Variants in CD86 observed in about 807,000 individuals in gnomAD.
CD86 encodes the protein CD86 molecule.
CD86 carries 11 observed loss-of-function variants against 32.1 expected under a neutral mutation model. That is an observed-to-expected ratio of 0.34 (90% CI 0.22 to 0.57). The LOEUF is 0.57. CD86 is among the 20% of genes least tolerant of loss of function. The pLI, the probability that CD86 is intolerant of heterozygous loss-of-function variation, is 0.86. For missense variants in CD86, 359 were observed against 398.4 expected (o/e 0.90, Z 0.84); for synonymous variants, 137 against 135.3 (o/e 1.01, Z -0.09).
chr3:122,074,017 A>C (rs1478854195), intron 1 of CD86, among the ~76,000 whole-genome samples: 2 of 152,172 alleles, frequency 1.3e-5, no homozygotes, highest in African/African-American at 4.8e-5. Flanking sequence ...AAAATGATGG[A>C]AGGGCCTCAA....
intron 1 of CD86, among the ~76,000 whole-genome samples, chr3:122,070,770 T>C (rs1309354899): frequency 2.0e-5 from 3 of 152,116 alleles, no homozygotes; most frequent in Non-Finnish European, 4.4e-5. Flanking sequence ...AAAGGAGACT[T>C]TTTGCAGCAA....
At chr3:122,060,037 C>A (rs1429156053) in intron 1 of CD86, among the ~76,000 whole-genome samples, 6 of 152,110 alleles carry the variant, frequency 3.9e-5, no homozygotes, top group Admixed American at 3.9e-4. Flanking sequence ...GTTTAAGCCA[C>A]CCCAGTTTGT....
chr3:122,114,575 A>G (rs542065379), intron 5 of CD86, among the ~76,000 whole-genome samples: 16 of 152,346 alleles, frequency 1.1e-4, no homozygotes, highest in East Asian at 1.9e-4. Flanking sequence ...ACATTGCAAG[A>G]AAAGAAAACT....
chr3:122,077,946 G>T, intron 1 of CD86: 1 of 985,508 alleles, frequency 1.0e-6, no homozygotes, highest in Non-Finnish European at 1.2e-6. Flanking sequence ...ACTCCTTTTG[G>T]TTTATTCTTA....
chr3:122,083,780 T>G (rs568261601), intron 1 of CD86, among the ~76,000 whole-genome samples: 164 of 152,288 alleles, frequency 1.1e-3, no homozygotes, highest in Admixed American at 2.9e-3. Context: ...AACACCCACA[T>G]GATTATTGAA....
At chr3:122,112,928 T>G (rs2073197404) in intron 5 of CD86, among the ~76,000 whole-genome samples, 1 of 152,240 alleles carries the variant, frequency 6.6e-6, no homozygotes, top group Non-Finnish European at 1.5e-5. Flanking sequence ...TTAGTGGTGA[T>G]TTCTGAGACT....
At chr3:122,057,054 T>C (rs573254569) in intron 1 of CD86, among the ~76,000 whole-genome samples, 20 of 152,252 alleles carry the variant, frequency 1.3e-4, no homozygotes, top group Non-Finnish European at 2.8e-4. Flanking sequence ...GTATCATTTT[T>C]TCTCTATCAA....
chr3:122,117,099 G>A (rs1404897788), intron 5 of CD86, among the ~76,000 whole-genome samples: 1 of 151,914 alleles, frequency 6.6e-6, no homozygotes, highest in African/African-American at 2.4e-5. Context: ...GGAACAGATG[G>A]TTTTCGGTTA....
At chr3:122,099,187 T>C (rs1477702534) in intron 2 of CD86, among the ~76,000 whole-genome samples, 1 of 151,992 alleles carries the variant, frequency 6.6e-6, no homozygotes, top group African/African-American at 2.4e-5. Flanking sequence ...AAATCAGAGA[T>C]TGGGAAAGAA....
chr3:122,082,074 C>T (rs1453663391), intron 1 of CD86, among the ~76,000 whole-genome samples: 2 of 152,314 alleles, frequency 1.3e-5, no homozygotes, highest in South Asian at 2.1e-4. Context: ...TAGAGGTGAA[C>T]TGAAAAGTTA....
intron 3 of CD86, 45 bp from the exon 4 acceptor site, chr3:122,106,153 A>G: frequency 6.9e-7 from 1 of 1,443,338 alleles, no homozygotes; most frequent in East Asian, 2.3e-5. Flanking sequence ...TCCTAGATAC[A>G]TCTAAACTTA....
intron 4 of CD86, 102 bp from the exon 5 acceptor site, chr3:122,109,163 G>A: frequency 8.0e-7 from 1 of 1,251,172 alleles, no homozygotes. Context: ...TGGCCTTAGA[G>A]CCCTGGGGAG....
At chr3:122,056,063 C>T (rs907084134) in intron 1 of CD86, among the ~76,000 whole-genome samples, 1 of 152,110 alleles carries the variant, frequency 6.6e-6, no homozygotes, top group African/African-American at 2.4e-5. Flanking sequence ...GCATGATGTG[C>T]TGGGTACTTT....
chr3:122,083,428 T>C (rs2072663220), intron 1 of CD86, among the ~76,000 whole-genome samples: 1 of 152,162 alleles, frequency 6.6e-6, no homozygotes, highest in African/African-American at 2.4e-5. Context: ...CGCCTTTGCA[T>C]ATGCTGTTCC....
intron 4 of CD86, 109 bp from the exon 5 acceptor site, chr3:122,109,156 C>G (rs971629105): frequency 8.6e-7 from 1 of 1,156,612 alleles, no homozygotes; most frequent in East Asian, 2.5e-5. Flanking sequence ...GCTTCTCTGG[C>G]CTTAGAGCCC....
At chr3:122,110,635 A>G (rs1021513645) in intron 5 of CD86, among the ~76,000 whole-genome samples, 2 of 152,242 alleles carry the variant, frequency 1.3e-5, no homozygotes, top group Non-Finnish European at 2.9e-5. Flanking sequence ...TCGAATTTAA[A>G]TAAATTAACA....
chr3:122,064,601 G>A (rs980956279), intron 1 of CD86, among the ~76,000 whole-genome samples: 6 of 152,148 alleles, frequency 3.9e-5, no homozygotes, highest in African/African-American at 1.2e-4. Flanking sequence ...GTTGTCCTGT[G>A]TATAAGGATG....
chr3:122,099,210 A>G (rs2072957756), intron 2 of CD86, among the ~76,000 whole-genome samples: 2 of 152,180 alleles, frequency 1.3e-5, no homozygotes, highest in South Asian at 2.1e-4. Flanking sequence ...GAGCATTTCA[A>G]TGAGGAGAGA....
intron 5 of CD86, among the ~76,000 whole-genome samples, chr3:122,113,997 T>C (rs2073213177): frequency 6.6e-6 from 1 of 152,130 alleles, no homozygotes; most frequent in Non-Finnish European, 1.5e-5. Context: ...ACACCTGTAA[T>C]CCCAGCACTT....
Sources: allele counts gnomAD v4.1 joint callset (sites outside exome capture counted in the v4.1 genomes callset), GRCh38; gene constraint gnomAD v4.1.1; transcripts MANE v1.5; gene names NCBI Gene and HGNC (gene_info 2026-07-23, HGNC 2026-07-21).